The following DPYSL3 variants were observed in gnomAD, a reference collection of about 807,000 sequenced individuals.
DPYSL3 encodes dihydropyrimidinase-related protein 3.
DPYSL3 carries 16 observed loss-of-function variants against 66.1 expected under a neutral mutation model. The observed-to-expected ratio is 0.24, with a 90% CI of 0.16 to 0.37. DPYSL3 has a LOEUF of 0.37. DPYSL3 is among the 10% of genes least tolerant of loss of function. The pLI is 1.00. For missense variants in DPYSL3, 738 were observed against 916.2 expected, an observed-to-expected ratio of 0.81 and a Z score of 2.51; for synonymous variants, 338 against 345.1, an observed-to-expected ratio of 0.98 and a Z score of 0.23.
intron 1 of DPYSL3, among the ~76,000 whole-genome samples, chr5:147,450,158 C>A (rs1752700086): frequency 6.6e-6 from 1 of 152,072 alleles, no homozygotes; most frequent in African/African-American, 2.4e-5. Context: ...AAATCTCTGA[C>A]CCTGAGCAAA....
Position 147,394,138 on chromosome 5 carries a change from A to C in DPYSL3, c.1967-15T>G. ...CACTTGGGTGCCTACAGTTGGAAATAAATTCCCAGGGGGAAAAAAAAAACA... is the reference window on the plus strand; with the variant it reads ...CACTTGGGTGCCTACAGTTGGAAATCAATTCCCAGGGGGAAAAAAAAAACA... On this transcript the variant is annotated splice_polypyrimidine_tract_variant and intron_variant, in intron 13 of 13. Transcript: ENST00000343218. 6.2e-7 allele frequency: 1 copy of C among 1,612,672 alleles called. No homozygotes were observed. Among genetic ancestry groups the C allele is most frequent in the Non-Finnish European group, 8.5e-7 (1 of 1,179,706 alleles).
chr5:147,422,306 A>T (rs1321614268), intron 2 of DPYSL3, among the ~76,000 whole-genome samples: 1 of 152,220 alleles, frequency 6.6e-6, no homozygotes, highest in Non-Finnish European at 1.5e-5. Context: ...ATGAGATACC[A>T]TCTCACGCCA....
intron 1 of DPYSL3, among the ~76,000 whole-genome samples, chr5:147,501,818 G>A (rs4705040): frequency 4.0e-5 from 6 of 151,882 alleles, no homozygotes; most frequent in Admixed American, 2.0e-4. Context: ...GTAAAAAATC[G>A]ACTACTCTCG....
At chr5:147,491,455 G>T (rs905092623) in intron 1 of DPYSL3, among the ~76,000 whole-genome samples, 2 of 152,128 alleles carry the variant, frequency 1.3e-5, no homozygotes, top group Non-Finnish European at 2.9e-5. Context: ...ATCAAAACAA[G>T]AGTCAGCTAT....
At chr5:147,479,042 A>G (rs750865840) in intron 1 of DPYSL3, among the ~76,000 whole-genome samples, 4 of 152,340 alleles carry the variant, frequency 2.6e-5, no homozygotes, top group South Asian at 2.1e-4. Context: ...ACATTAATAA[A>G]TTCTACCTGA....
intron 1 of DPYSL3, among the ~76,000 whole-genome samples, chr5:147,500,049 T>C (rs957622840): frequency 2.0e-4 from 30 of 152,124 alleles, no homozygotes; most frequent in African/African-American, 6.8e-4. Context: ...AAATGGATCA[T>C]AAACCTAAAT....
Position 147,480,703 on chromosome 5 carries a change from A to ATTATTATTAT in DPYSL3, c.381+28774_381+28775insATAATAATAA, listed in dbSNP as rs1554116785. Among the ~76,000 whole-genome samples, 7 of 142,472 alleles carry ATTATTATTAT rather than the reference A, an allele frequency of 4.9e-5. No individual in the cohort carries two copies. The Admixed American group carries it at 5.0e-4, about 10-fold the overall frequency. 93.5% of individuals were successfully genotyped at this position (142,472 alleles called of 152,430 possible). ...TAGTGCACACATCATGAATATATATATATTATTATTATTATTATTATTATT... is the reference window on the plus strand; with the variant it reads ...TAGTGCACACATCATGAATATATATATTATTATTATTATTATTATTATTATTATTATTATT... On this transcript the variant is annotated intron_variant, in intron 1 of 13. Coordinates refer to ENST00000343218, the MANE Select transcript of DPYSL3 (RefSeq NM_001197294.2).
At chr5:147,412,905 T>C (rs779589752) in intron 5 of DPYSL3, among the ~76,000 whole-genome samples, 3 of 152,192 alleles carry the variant, frequency 2.0e-5, no homozygotes, top group African/African-American at 7.2e-5. Flanking sequence ...CCATGTTCCC[T>C]AGGCTGGCAG....
intron 1 of DPYSL3, chr5:147,473,003 A>C (rs1753106222): frequency 6.6e-6 from 1 of 152,110 alleles, no homozygotes; most frequent in South Asian, 2.1e-4. Flanking sequence ...GGTCATTTTC[A>C]TGGTTCAGAG....
intron 12 of DPYSL3, among the ~76,000 whole-genome samples, chr5:147,397,252 C>T (rs1395396945): frequency 6.6e-6 from 1 of 151,138 alleles, no homozygotes; most frequent in Non-Finnish European, 1.5e-5. Flanking sequence ...ATTGAAAATA[C>T]AGTAGCTAAA....
At chr5:147,442,259 G>A (rs2126373678) in intron 1 of DPYSL3, among the ~76,000 whole-genome samples, 1 of 152,320 alleles carries the variant, frequency 6.6e-6, no homozygotes, top group Admixed American at 6.5e-5. Flanking sequence ...AACTGGCCAT[G>A]TTTCCTCTCC....
chr5:147,443,940 A>T (rs182501862), intron 1 of DPYSL3, among the ~76,000 whole-genome samples: 1 of 152,258 alleles, frequency 6.6e-6, no homozygotes, highest in Non-Finnish European at 1.5e-5. Context: ...TCCTGATGCC[A>T]AGCAGTGCTA....
chr5:147,457,381 A>G (rs1431236604), intron 1 of DPYSL3, among the ~76,000 whole-genome samples: 1 of 152,202 alleles, frequency 6.6e-6, no homozygotes, highest in Non-Finnish European at 1.5e-5. Flanking sequence ...TTGTCCATAG[A>G]AATTGCTCAA....
intron 1 of DPYSL3, among the ~76,000 whole-genome samples, chr5:147,494,302 A>G (rs571558311): frequency 4.1e-4 from 63 of 152,288 alleles, no homozygotes; most frequent in African/African-American, 1.5e-3. Context: ...ACTTTAGAAA[A>G]CTAGAAAAAG....
chr5:147,415,283 T>C (rs1751939648), intron 4 of DPYSL3, among the ~76,000 whole-genome samples: 1 of 152,164 alleles, frequency 6.6e-6, no homozygotes, highest in East Asian at 1.9e-4. Context: ...GTTTGATCTC[T>C]ACAGCAAAAA....
intron 1 of DPYSL3, chr5:147,453,735 C>G (rs916833708): frequency 3.8e-6 from 5 of 1,313,460 alleles, no homozygotes; most frequent in Non-Finnish European, 4.8e-6. Flanking sequence ...CTCCGCCCCC[C>G]TCCCGGGCTC....
intron 10 of DPYSL3, among the ~76,000 whole-genome samples, chr5:147,399,601 T>G (rs73264206): frequency 0.056 from 8,587 of 152,280 alleles, 843 homozygotes; most frequent in African/African-American, 0.2. Flanking sequence ...TCCCATCCTT[T>G]AGATATGTAT....
At chr5:147,425,519 A>G (rs2126331931) in intron 1 of DPYSL3, among the ~76,000 whole-genome samples, 1 of 152,344 alleles carries the variant, frequency 6.6e-6, no homozygotes, top group Non-Finnish European at 1.5e-5. Context: ...GTGTAATAAA[A>G]CCGCTAGAAG....
chr5:147,467,686 G>A (rs1353238429), intron 1 of DPYSL3, among the ~76,000 whole-genome samples: 1 of 152,214 alleles, frequency 6.6e-6, no homozygotes, highest in Non-Finnish European at 1.5e-5. Flanking sequence ...TGGCAAAAGA[G>A]ATGAATAATT....
Sources: allele counts gnomAD v4.1 joint callset (sites outside exome capture counted in the v4.1 genomes callset), GRCh38; gene constraint gnomAD v4.1.1; transcripts MANE v1.5; gene names NCBI Gene and HGNC (gene_info 2026-07-23, HGNC 2026-07-21).